COP1: variants seen among roughly 807,000 people sequenced by gnomAD.
COP1 encodes COP1 E3 ubiquitin ligase, also known as E3 ubiquitin-protein ligase COP1.
A neutral mutation model predicts 101.3 loss-of-function variants in COP1; 24 were observed. That is an observed-to-expected ratio of 0.24 (90% CI 0.17 to 0.33). The LOEUF is 0.33. COP1 is among the 10% of genes least tolerant of loss of function. COP1 has a pLI of 1.00. For synonymous variants in COP1, 347 were observed against 341.9 expected (o/e 1.01, Z -0.17); for missense variants, 663 against 906.2 (o/e 0.73, Z 3.45).
At chr1:176,159,302 A>C (rs1273718442) in intron 5 of COP1, among the ~76,000 whole-genome samples, 2 of 152,190 alleles carry the variant, frequency 1.3e-5, no homozygotes, top group African/African-American at 2.4e-5. Flanking sequence ...AAATGAAGAA[A>C]TTCTCAGCTG....
chr1:176,072,073 T>C (rs1043721106), intron 11 of COP1, among the ~76,000 whole-genome samples: 2 of 152,246 alleles, frequency 1.3e-5, no homozygotes, highest in Admixed American at 6.5e-5. Context: ...ATGTATGTTT[T>C]GAATTACCAT....
At chr1:176,142,097 G>C (rs572343580) in intron 6 of COP1, among the ~76,000 whole-genome samples, 2 of 152,094 alleles carry the variant, frequency 1.3e-5, no homozygotes, top group Non-Finnish European at 2.9e-5. Flanking sequence ...ATAAATGATA[G>C]AGTAGTGAGG....
chr1:176,128,193 T>C (rs553314960), intron 8 of COP1, among the ~76,000 whole-genome samples: 5 of 152,258 alleles, frequency 3.3e-5, no homozygotes, highest in Non-Finnish European at 5.9e-5. Context: ...CACAGTGTTT[T>C]ATACACGCTG....
chr1:175,989,385 C>G lies in COP1; in HGVS notation c.1824G>C (p.Val608=), dbSNP rs1657878155. ...HRKAVSYAKF[V]SGEEIVSAST... ...ACGCAGAGACAATTTCCTCACCACTCACAAACTTTGCATAAGAGACTGCTT... is the reference window on the plus strand; with the variant it reads ...ACGCAGAGACAATTTCCTCACCACTGACAAACTTTGCATAAGAGACTGCTT... Residue 608 remains valine, a synonymous_variant, in exon 16 of 20, where the codon GTG becomes GTC. Coordinates refer to ENST00000367669, the MANE Select transcript of COP1 (RefSeq NM_022457.7). 1 of 1,595,142 alleles carries G rather than the reference C, an allele frequency of 6.3e-7. No individual in the cohort carries two copies.
chr1:176,165,379 T>TGG (rs1694950409), intron 3 of COP1, among the ~76,000 whole-genome samples: 1 of 147,034 alleles, frequency 6.8e-6, no homozygotes, highest in Non-Finnish European at 1.5e-5. Context: ...TGTGTGTGTG[T>TGG]GTGTGTGTGT....
chr1:176,054,168 T>C (rs1434187079), intron 11 of COP1, among the ~76,000 whole-genome samples: 5 of 151,550 alleles, frequency 3.3e-5, no homozygotes, highest in Non-Finnish European at 7.4e-5. Flanking sequence ...ATTCTTTTTT[T>C]TTTTTTTTTG....
At chr1:175,951,351 T>C (rs1270100914) in intron 18 of COP1, among the ~76,000 whole-genome samples, 1 of 148,974 alleles carries the variant, frequency 6.7e-6, no homozygotes, top group Non-Finnish European at 1.5e-5. Context: ...GATTTATTCA[T>C]AGAGATAGAT....
intron 18 of COP1, among the ~76,000 whole-genome samples, chr1:175,959,493 G>C (rs1379451624): frequency 6.6e-6 from 1 of 151,892 alleles, no homozygotes; most frequent in African/African-American, 2.4e-5. Context: ...TATAAGTACT[G>C]GAAAAGCAGA....
chr1:176,174,007 A>AAAAAAAAAG (rs1456552067), intron 3 of COP1, among the ~76,000 whole-genome samples: 1,378 of 121,478 alleles, frequency 0.011, 15 homozygotes, highest in East Asian at 0.034. Flanking sequence ...AAAAAAAAAA[A>AAAAAAAAAG]AGAGAATATA....
intron 9 of COP1, among the ~76,000 whole-genome samples, chr1:176,107,286 T>A (rs1329087903): frequency 6.6e-6 from 1 of 152,102 alleles, no homozygotes. Flanking sequence ...CCAAGAACAA[T>A]GAGCATACTT....
intron 11 of COP1, among the ~76,000 whole-genome samples, chr1:176,067,533 G>A (rs1376990613): frequency 1.3e-5 from 2 of 152,100 alleles, no homozygotes; most frequent in Non-Finnish European, 2.9e-5. Context: ...TGGCTGGGAC[G>A]GTTGGAAGAG....
chr1:175,976,296 T>TTTTTTTTTA (rs1553284850), intron 18 of COP1, among the ~76,000 whole-genome samples: 10 of 137,306 alleles, frequency 7.3e-5, no homozygotes, highest in Non-Finnish European at 1.1e-4. Flanking sequence ...TTTTTTTTTT[T>TTTTTTTTTA]AGACAGAGTC....
At chr1:176,156,469 A>C (rs1264640824) in intron 5 of COP1, among the ~76,000 whole-genome samples, 1 of 152,188 alleles carries the variant, frequency 6.6e-6, no homozygotes, top group African/African-American at 2.4e-5. Context: ...ATAAAATTTA[A>C]ATGGACTTAA....
At chr1:176,117,177 A>G (rs924534273) in intron 8 of COP1, among the ~76,000 whole-genome samples, 17 of 152,092 alleles carry the variant, frequency 1.1e-4, no homozygotes, top group African/African-American at 4.1e-4. Flanking sequence ...AGCTATTTAT[A>G]TATCATCTAG....
chr1:176,141,833 C>A (rs187285459), intron 6 of COP1, among the ~76,000 whole-genome samples: 1 of 151,930 alleles, frequency 6.6e-6, no homozygotes, highest in East Asian at 1.9e-4. Context: ...TAGGCTCAAG[C>A]AATTCTCTCA....
chr1:176,093,146 T>G (rs916488534), intron 9 of COP1, among the ~76,000 whole-genome samples: 2 of 152,188 alleles, frequency 1.3e-5, no homozygotes, highest in East Asian at 1.9e-4. Flanking sequence ...AAAACTTTTT[T>G]AAAAGTCAAC....
intron 11 of COP1, among the ~76,000 whole-genome samples, chr1:176,059,671 C>T (rs577623335): frequency 6.5e-4 from 99 of 152,034 alleles, no homozygotes; most frequent in African/African-American, 2.1e-3. Context: ...TTAGTAGAGA[C>T]GGGGTTTCAC....
intron 6 of COP1, among the ~76,000 whole-genome samples, 195 bp from the exon 7 acceptor site, chr1:176,136,742 G>C (rs1000283368): frequency 2.6e-5 from 4 of 152,048 alleles, no homozygotes; most frequent in African/African-American, 9.7e-5. Context: ...TGCAAAGGTA[G>C]AGAATTATGT....
chr1:176,100,880 T>G (rs1489391409), intron 9 of COP1, among the ~76,000 whole-genome samples: 1 of 151,402 alleles, frequency 6.6e-6, no homozygotes, highest in Non-Finnish European at 1.5e-5. Context: ...CCAAGACACA[T>G]TTTTGTCTCA....
Sources: allele counts gnomAD v4.1 joint callset (sites outside exome capture counted in the v4.1 genomes callset), GRCh38; gene constraint gnomAD v4.1.1; transcripts MANE v1.5; gene names NCBI Gene and HGNC (gene_info 2026-07-23, HGNC 2026-07-21).